The following SEC24A variants were observed in gnomAD, a reference collection of about 807,000 sequenced individuals.
The protein encoded by SEC24A is SEC24 homolog A, COPII component, also known as protein transport protein Sec24A.
SEC24A carries 93 observed loss-of-function variants against 129.4 expected under a neutral mutation model. That is an observed-to-expected ratio of 0.72 (90% CI 0.61 to 0.85). The LOEUF is 0.85. Among genes scored for constraint, SEC24A ranks in the 40% least tolerant of loss-of-function variants. The pLI, the probability that SEC24A is intolerant of heterozygous loss-of-function variation, is 0.00. For missense variants in SEC24A, 1,264 were observed against 1,307.4 expected (o/e 0.97, Z 0.51); for synonymous variants, 460 against 467.3 (o/e 0.98, Z 0.20).
At chr5:134,694,849 G>A (rs1187057652) in intron 13 of SEC24A, among the ~76,000 whole-genome samples, 2 of 151,500 alleles carry the variant, frequency 1.3e-5, no homozygotes, top group Non-Finnish European at 2.9e-5. Context: ...AAGAAAAAGA[G>A]TAGTTGTATT....
chr5:134,702,473 T>G (rs530743786), intron 15 of SEC24A, among the ~76,000 whole-genome samples: 1 of 152,340 alleles, frequency 6.6e-6, no homozygotes, highest in South Asian at 2.1e-4. Context: ...TCACTTCATT[T>G]TTATGTAGTT....
At chr5:134,661,986 C>A (rs1328076577) in intron 2 of SEC24A, among the ~76,000 whole-genome samples, 1 of 151,408 alleles carries the variant, frequency 6.6e-6, no homozygotes, top group African/African-American at 2.4e-5. Flanking sequence ...CGTGCCACTG[C>A]ACCCAGCTAA....
chr5:134,658,917 T>C (rs1477272183), intron 1 of SEC24A, among the ~76,000 whole-genome samples: 2 of 152,174 alleles, frequency 1.3e-5, no homozygotes, highest in Non-Finnish European at 1.5e-5. Flanking sequence ...ATTATGACAA[T>C]TGAGTTCTTT....
At chr5:134,675,857 G>A (rs1035024428) in intron 6 of SEC24A, among the ~76,000 whole-genome samples, 166 bp from the exon 7 acceptor site, 3 of 152,088 alleles carry the variant, frequency 2.0e-5, no homozygotes, top group African/African-American at 7.2e-5. Context: ...TTCTGCATAG[G>A]ACTTAGATTT....
Position 134,661,340 on chromosome 5 carries a change from C to T in SEC24A, c.319C>T (p.Arg107Ter), listed in dbSNP as rs1460778495. Residue 107 changes from arginine (R) to a stop codon, truncating the protein, a stop_gained, in exon 2 of 23, where the codon CGA (arginine) becomes TGA (stop). Coordinates refer to ENST00000398844, the MANE Select transcript of SEC24A (RefSeq NM_021982.3). LOFTEE classifies it high-confidence loss of function. ...TPSLHSGPAPRMPLPASQNPA... is the reference protein window; with the variant it reads ...TPSLHSGPAP ...TTCGCTTCATAGTGGTCCTGCTCCC[C>T]GAATGCCATTACCTGCTTCTCAGAA... The T allele has an allele frequency of 5.0e-6, 8 of 1,614,026 alleles. No individual in the cohort carries two copies. Among genetic ancestry groups the T allele is most frequent in the South Asian group, 1.1e-5 (1 of 91,080 alleles).
At chr5:134,663,773 C>G (rs1268930479) in intron 2 of SEC24A, among the ~76,000 whole-genome samples, 1 of 152,084 alleles carries the variant, frequency 6.6e-6, no homozygotes, top group African/African-American at 2.4e-5. Context: ...TAGAAACCCT[C>G]AGAGCACCTT....
chr5:134,661,160 A>T lies in SEC24A; in HGVS notation c.139A>T (p.Ser47Cys), dbSNP rs1750443345. The T allele has an allele frequency of 6.2e-7, 1 of 1,613,070 alleles. No homozygotes were observed. The highest frequency in any genetic ancestry group is 1.1e-5 in the South Asian group (1 of 90,910). Reference sequence around the variant, plus strand: ...ATTGCTGTCTTCACAAGAGTCAGTGAGCCAAGGATACAATTTCCAGCTTCC... The same window carrying T: ...ATTGCTGTCTTCACAAGAGTCAGTGTGCCAAGGATACAATTTCCAGCTTCC... Reference protein sequence around the residue: ...NALLSSQESVSQGYNFQLPGS... With the variant: ...NALLSSQESVCQGYNFQLPGS... The change falls in exon 2 of 23, where the codon AGC becomes TGC. Residue 47 changes from serine to cysteine, a missense_variant. Transcript: ENST00000398844.
chr5:134,688,101 A>G, intron 10 of SEC24A, 80 bp from the exon 11 acceptor site: 3 of 826,764 alleles, frequency 3.6e-6, no homozygotes, highest in Non-Finnish European at 4.2e-6. Flanking sequence ...AGATATTTTC[A>G]TGTAACTCTT....
At chr5:134,713,040 T>A (rs1011731225) in intron 18 of SEC24A, among the ~76,000 whole-genome samples, 1 of 148,678 alleles carries the variant, frequency 6.7e-6, no homozygotes, top group African/African-American at 2.5e-5. Flanking sequence ...CACGCCATTC[T>A]CCTGCCTCAG....
In SEC24A at chr5:134,676,021, A is replaced by G; in HGVS notation, c.1152-2A>G. 3 of 1,590,272 alleles carry G rather than the reference A, an allele frequency of 1.9e-6. No homozygotes were observed. Among genetic ancestry groups the G allele is most frequent in the Non-Finnish European group, 2.6e-6 (3 of 1,171,418 alleles). On this transcript the variant is annotated splice_acceptor_variant, in intron 6 of 22. Coordinates refer to ENST00000398844, the MANE Select transcript of SEC24A (RefSeq NM_021982.3). LOFTEE classifies it high-confidence loss of function. ...TGATACATACTTTTTACTTTGATAT[A>G]GGTTATTTCGATGCACGCTGACTAG... is the stretch of plus-strand genomic sequence containing the variant.
At chr5:134,661,817 T>C (rs1467650008) in intron 2 of SEC24A, among the ~76,000 whole-genome samples, 4 of 129,056 alleles carry the variant, frequency 3.1e-5, no homozygotes, top group Non-Finnish European at 4.7e-5. Flanking sequence ...TCATTCTTTT[T>C]TCTCTTTTTT....
chr5:134,659,532 G>GA (rs769423562), intron 1 of SEC24A, among the ~76,000 whole-genome samples: 2 of 150,294 alleles, frequency 1.3e-5, no homozygotes, highest in Admixed American at 6.7e-5. Flanking sequence ...AGGGATGTCA[G>GA]AAAAAAAAAT....
At chr5:134,698,640 T>C (rs1191583788) in intron 15 of SEC24A, among the ~76,000 whole-genome samples, 3 of 148,800 alleles carry the variant, frequency 2.0e-5, no homozygotes, top group Non-Finnish European at 1.5e-5. Context: ...GTTTTTTTTT[T>C]TTTTTTTTTG....
chr5:134,666,520 G>T (rs112287045), intron 2 of SEC24A, among the ~76,000 whole-genome samples: 1 of 151,770 alleles, frequency 6.6e-6, no homozygotes, highest in African/African-American at 2.4e-5. Flanking sequence ...TAGCGCTATC[G>T]CATTCCAGCC....
Position 134,661,470 on chromosome 5 carries a change from AC to A in SEC24A, c.451del (p.His151IlefsTer17), listed in dbSNP as rs1750458773. 6.2e-7 allele frequency: 1 copy of A among 1,614,002 alleles called. No individual in the cohort carries two copies. The highest frequency in any genetic ancestry group is 8.5e-7 in the Non-Finnish European group (1 of 1,180,012). ...YNYPSTASQT[N>X]HCPRASSQPT... is the part of the protein sequence containing the mutation. ...TATCCATCCACAGCCTCACAAACAA[AC>A]CATTGTCCTCGTGCATCATCCCAAC... On this transcript the variant is annotated frameshift_variant, in exon 2 of 23. Coordinates refer to ENST00000398844, the MANE Select transcript of SEC24A (RefSeq NM_021982.3). LOFTEE classifies it high-confidence loss of function.
chr5:134,662,600 C>G (rs528806875), intron 2 of SEC24A, among the ~76,000 whole-genome samples: 3 of 152,206 alleles, frequency 2.0e-5, no homozygotes, highest in East Asian at 3.9e-4. Context: ...ATGGCATATA[C>G]TCCATCAGGC....
At chr5:134,664,530 T>TA (rs1314307011) in intron 2 of SEC24A, among the ~76,000 whole-genome samples, 1 of 152,214 alleles carries the variant, frequency 6.6e-6, no homozygotes, top group African/African-American at 2.4e-5. Flanking sequence ...AAAATCTCTG[T>TA]AAGTTTACTT....
Position 134,674,620 on chromosome 5 carries a change from C to G in SEC24A, c.823C>G (p.Pro275Ala), listed in dbSNP as rs375782031. 6.2e-7 allele frequency: 1 copy of G among 1,612,968 alleles called. No homozygotes were observed. Residue 275 changes from proline (P) to alanine (A), a missense_variant, in exon 5 of 23, where the codon CCA becomes GCA. Transcript: ENST00000398844. Reference sequence around the variant, plus strand: ...AAAAGTTACCTTGTTTCTAGCAACACCACAGCTTACTAACAAGAATCCCAA... The same window carrying G: ...AAAAGTTACCTTGTTTCTAGCAACAGCACAGCTTACTAACAAGAATCCCAA... ...EIEGGGLLATPQLTNKNPKMS... is the reference protein window; with the variant it reads ...EIEGGGLLATAQLTNKNPKMS...
chr5:134,713,385 CT>C (rs1233907223), intron 18 of SEC24A, among the ~76,000 whole-genome samples: 1 of 152,134 alleles, frequency 6.6e-6, no homozygotes, highest in East Asian at 1.9e-4. Flanking sequence ...CCTGACACCC[CT>C]AATCACCCTT....
Sources: gnomAD v4.1 joint callset for allele counts (sites outside exome capture counted in the v4.1 genomes callset) on GRCh38, gnomAD v4.1.1 for gene constraint, MANE v1.5 for transcripts, NCBI Gene and HGNC (gene_info 2026-07-23, HGNC 2026-07-21) for gene names.